Variants in DENND4A observed in about 807,000 individuals in gnomAD.
DENND4A encodes DENN domain containing 4A.
DENND4A carries 70 observed loss-of-function variants against 199.3 expected under a neutral mutation model. The observed-to-expected ratio is 0.35, with a 90% CI of 0.29 to 0.43. The LOEUF (loss-of-function observed/expected upper bound fraction) is 0.43, where lower values mean the gene tolerates loss of function less well. Among genes scored for constraint, DENND4A ranks in the 20% least tolerant of loss-of-function variants. The pLI, the probability that DENND4A is intolerant of heterozygous loss-of-function variation, is 1.00. For synonymous variants in DENND4A, 686 were observed against 766.9 expected (o/e 0.89, Z 1.74); for missense variants, 1,723 against 2,255.8 (o/e 0.76, Z 4.78).
At chr15:65,748,002 T>G (rs1351035951) in intron 4 of DENND4A, among the ~76,000 whole-genome samples, 2 of 121,938 alleles carry the variant, frequency 1.6e-5, no homozygotes, top group Non-Finnish European at 3.1e-5. Flanking sequence ...ATGGCACCAC[T>G]GCACTCCAGC....
rs1214199794 is a variant in DENND4A, at chr15:65,737,772, G to T, written c.975C>A (p.Phe325Leu). 6.3e-7 allele frequency: 1 copy of T among 1,593,282 alleles called. No individual in the cohort carries two copies. The highest frequency in any genetic ancestry group is 1.3e-5 in the African/African-American group (1 of 74,622). ...LLSHWPFFDAFRKFLTFLYRY... is the reference protein window; with the variant it reads ...LLSHWPFFDALRKFLTFLYRY... Reference sequence around the variant, plus strand: ...GATACAGAAAAGTCAGAAACTTCCTGAATGCATCAAAAAAAGGCCAGTGAG... The same window carrying T: ...GATACAGAAAAGTCAGAAACTTCCTTAATGCATCAAAAAAAGGCCAGTGAG... Residue 325 changes from phenylalanine (F) to leucine (L), a missense_variant, in exon 7 of 33, where the codon TTC becomes TTA. By Grantham distance (22) the Phe-to-Leu change is conservative. Around this residue, in one of 6 missense-constraint regions of DENND4A, gnomAD observed 725 missense variants for 952.9 expected, o/e 0.76. Transcript: ENST00000443035.
intron 1 of DENND4A, chr15:65,766,386 TATAA>T (rs990598344): frequency 1.2e-4 from 18 of 152,154 alleles, no homozygotes; most frequent in Admixed American, 9.2e-4. Context: ...TAAACAAACA[TATAA>T]ATACAGTTGA....
intron 1 of DENND4A, among the ~76,000 whole-genome samples, chr15:65,781,703 G>A (rs1433293006): frequency 1.3e-5 from 2 of 151,994 alleles, no homozygotes; most frequent in South Asian, 2.1e-4. Flanking sequence ...AAGTGAAGGC[G>A]ATAAATAAAA....
chr15:65,775,095 A>C (rs1410176365), intron 1 of DENND4A, among the ~76,000 whole-genome samples: 2 of 152,138 alleles, frequency 1.3e-5, no homozygotes, highest in African/African-American at 4.8e-5. Context: ...CACTGCATGA[A>C]GGTCCAGGCT....
chr15:65,771,782 A>C, intron 1 of DENND4A: 1 of 1,613,690 alleles, frequency 6.2e-7, no homozygotes, highest in East Asian at 2.2e-5. Context: ...TGGTGGTTAC[A>C]TGCTTGTTCT....
chr15:65,671,925 A>C, intron 24 of DENND4A, 39 bp from the exon 25 acceptor site: 1 of 1,181,546 alleles, frequency 8.5e-7, no homozygotes, highest in Non-Finnish European at 1.3e-6. Context: ...AAACCATTAA[A>C]ATTAATGAGA....
At chr15:65,762,631 A>G (rs1019720118) in intron 1 of DENND4A, among the ~76,000 whole-genome samples, 1 of 152,144 alleles carries the variant, frequency 6.6e-6, no homozygotes, top group African/African-American at 2.4e-5. Flanking sequence ...TCTATCTCCA[A>G]TGAATGAATG....
At chr15:65,679,491 G>A (rs1012339737) in intron 23 of DENND4A, among the ~76,000 whole-genome samples, 1 of 151,978 alleles carries the variant, frequency 6.6e-6, no homozygotes, top group Non-Finnish European at 1.5e-5. Context: ...TTAACTAAAT[G>A]TTCTTCTATT....
At chr15:65,697,438 A>C in intron 20 of DENND4A, 55 bp from the exon 21 acceptor site, 1 of 1,112,974 alleles carries the variant, frequency 9.0e-7, no homozygotes, top group Non-Finnish European at 1.3e-6. Flanking sequence ...AGTGAGTGCA[A>C]CTGGAATTAG....
chr15:65,783,917 T>C (rs2077499362), intron 1 of DENND4A, among the ~76,000 whole-genome samples: 1 of 152,180 alleles, frequency 6.6e-6, no homozygotes, highest in African/African-American at 2.4e-5. Flanking sequence ...CTACTGAGTG[T>C]GGTCTACAAT....
intron 16 of DENND4A, 72 bp downstream of exon 16, chr15:65,702,801 A>T: frequency 7.2e-7 from 1 of 1,384,774 alleles, no homozygotes; most frequent in Non-Finnish European, 1.0e-6. Flanking sequence ...GATAAAGCAT[A>T]TTACGGGAGG....
intron 1 of DENND4A, among the ~76,000 whole-genome samples, chr15:65,790,729 G>C (rs915684789): frequency 1.3e-5 from 2 of 152,012 alleles, no homozygotes; most frequent in East Asian, 1.9e-4. Flanking sequence ...GTTCAAACAG[G>C]GTTCAAACAG....
At position 65,703,017 on chromosome 15, in the gene DENND4A, G is replaced by GA. The variant is rs754982233; in HGVS notation, c.2088-10dup. 90 of 1,606,802 alleles carry GA rather than the reference G, an allele frequency of 5.6e-5. No individual in the cohort carries two copies. Among genetic ancestry groups the GA allele is most frequent in the South Asian group, 8.9e-5 (8 of 90,366 alleles). On this transcript the variant is annotated splice_polypyrimidine_tract_variant and intron_variant, in intron 15 of 32. Coordinates refer to ENST00000443035, the MANE Select transcript of DENND4A (RefSeq NM_001320835.1). ...CTGGAAATCCATTATAGCTGTTTTAGAAAAAACAAAACAAAACAAAAAAGA... is the reference window on the plus strand; with the variant it reads ...CTGGAAATCCATTATAGCTGTTTTAGAAAAAAACAAAACAAAACAAAAAAGA...
Position 65,738,847 on chromosome 15 carries a change from A to G in DENND4A, c.660T>C (p.Asp220=), listed in dbSNP as rs772065415. Residue 220 remains aspartate (D), a synonymous_variant, in exon 6 of 33, where the codon GAT becomes GAC. Transcript: ENST00000443035. ...AGLICRYPQE[D]YESFSLPESV... is the part of the protein sequence containing the mutation. ...ATTCCGGTAGTGAGAATGACTCATA[A>G]TCTTCTTGAGGATATCTACAAATTA... The G allele has an allele frequency of 6.2e-7, 1 of 1,604,074 alleles. No individual in the cohort carries two copies. Among genetic ancestry groups the G allele is most frequent in the African/African-American group, 1.3e-5 (1 of 74,632 alleles).
chr15:65,722,965 A>T lies in DENND4A; in HGVS notation c.1488-17T>A, dbSNP rs780243424. ...TCACCAATTCTAAGATTAAATAACA[A>T]CAGGAATATATTTGTTACATGGTCT... On this transcript the variant is annotated splice_polypyrimidine_tract_variant and intron_variant, in intron 11 of 32. Transcript: ENST00000443035. 1.3e-6 allele frequency: 2 copies of T among 1,580,034 alleles called. No homozygotes were observed. The highest frequency in any genetic ancestry group is 2.3e-5 in the East Asian group (1 of 43,836).
At position 65,690,611 on chromosome 15, in the gene DENND4A, G is replaced by A. The variant is rs1265954579; in HGVS notation, c.3983C>T (p.Ala1328Val). The part of the protein sequence containing the change: ...KPRDRLWSSP[A>V]FSPTCPFREE... ...CCTAAATGGGCAAGTAGGTGAGAAG[G>A]CTGGAGAAGACCAAAGTCTATCCCT... Residue 1328 changes from alanine to valine, a missense_variant, in exon 23 of 33, where the codon GCC becomes GTC. Ala to Val is a moderately conservative substitution (Grantham distance 64). Coordinates refer to ENST00000443035, the MANE Select transcript of DENND4A (RefSeq NM_001320835.1). The A allele has an allele frequency of 6.2e-6, 10 of 1,613,594 alleles. No homozygotes were observed. In the South Asian group the frequency reaches 1.1e-4, roughly 18 times the overall value.
chr15:65,773,209 T>C (rs1335351932), intron 1 of DENND4A, among the ~76,000 whole-genome samples: 1 of 152,154 alleles, frequency 6.6e-6, no homozygotes, highest in Non-Finnish European at 1.5e-5. Context: ...GTCATTTCTG[T>C]AAGCCAACCA....
chr15:65,753,095 G>A (rs2076609950), intron 3 of DENND4A, among the ~76,000 whole-genome samples: 1 of 152,164 alleles, frequency 6.6e-6, no homozygotes, highest in Non-Finnish European at 1.5e-5. Flanking sequence ...CTAAGAGAAT[G>A]TAACTTCAAA....
Position 65,773,002 on chromosome 15 carries a change from C to CAAAA in DENND4A, c.-101-11568_-101-11565dup, listed in dbSNP as rs61241995. The stretch of plus-strand genomic sequence containing the variant: ...GAAATCAATTTCTATTGTTTCTAAG[C>CAAAA]AAAAAAAAAAAAAAAAAAAAAAAAA... On this transcript the variant is annotated intron_variant, in intron 1 of 32. Coordinates refer to ENST00000443035, the MANE Select transcript of DENND4A (RefSeq NM_001320835.1). 2.6e-4 allele frequency among the ~76,000 whole-genome samples: 27 copies of CAAAA among 102,146 alleles called. 2 individuals carry two copies. The highest frequency in any genetic ancestry group is 4.9e-4 in the Admixed American group (4 of 8,134). 67.0% of individuals were successfully genotyped at this position (102,146 alleles called of 152,430 possible). A position where few individuals can be genotyped will look rare whatever the true frequency, so the allele number is the denominator to read the frequency against.
Sources: allele counts gnomAD v4.1 joint callset (sites outside exome capture counted in the v4.1 genomes callset), GRCh38; gene constraint gnomAD v4.1.1; regional missense constraint gnomAD v4.1.1; transcripts MANE v1.5; gene names NCBI Gene and HGNC (gene_info 2026-07-23, HGNC 2026-07-21).